MCC: variants seen among roughly 807,000 people sequenced by gnomAD.
MCC encodes MCC regulator of Wnt signaling pathway.
MCC carries 90 observed loss-of-function variants against 116.2 expected under a neutral mutation model. The ratio of observed to expected loss-of-function variants is 0.77; its 90% CI spans 0.65 to 0.92. MCC has a LOEUF of 0.92. MCC is among the 40% of genes least tolerant of loss of function. MCC has a pLI of 0.00. For missense variants in MCC, 1,516 were observed against 1,312.2 expected (o/e 1.16, Z -2.40); for synonymous variants, 578 against 510.5 (o/e 1.13, Z -1.78).
At chr5:113,205,035 A>G (rs759698838) in intron 3 of MCC, among the ~76,000 whole-genome samples, 7 of 152,224 alleles carry the variant, frequency 4.6e-5, no homozygotes, top group Non-Finnish European at 7.3e-5. Flanking sequence ...AGATAATTCC[A>G]TCACCAAAGA....
intron 3 of MCC, among the ~76,000 whole-genome samples, chr5:113,174,021 G>A (rs946365960): frequency 2.0e-5 from 3 of 152,130 alleles, no homozygotes; most frequent in Non-Finnish European, 2.9e-5. Flanking sequence ...AGATTAAGAT[G>A]AACCAAAATC....
intron 1 of MCC, among the ~76,000 whole-genome samples, chr5:113,391,274 G>T (rs1769394758): frequency 6.6e-6 from 1 of 152,194 alleles, no homozygotes; most frequent in Non-Finnish European, 1.5e-5. Context: ...AGAATATGCA[G>T]CAGGGGAGCT....
intron 3 of MCC, among the ~76,000 whole-genome samples, chr5:113,212,593 C>T (rs138156183): frequency 9.3e-4 from 142 of 152,312 alleles, no homozygotes; most frequent in Middle Eastern, 3.4e-3. Flanking sequence ...TTGTACAATG[C>T]CAATATTGTG....
intron 1 of MCC, among the ~76,000 whole-genome samples, chr5:113,472,968 G>A (rs1020135943): frequency 1.3e-5 from 2 of 152,224 alleles, no homozygotes; most frequent in Admixed American, 1.3e-4. Context: ...ATCAACGCAT[G>A]ATGTCAGGTA....
intron 3 of MCC, among the ~76,000 whole-genome samples, chr5:113,200,131 A>G (rs1187929762): frequency 6.6e-6 from 1 of 152,226 alleles, no homozygotes; most frequent in Non-Finnish European, 1.5e-5. Flanking sequence ...GAAGACACGT[A>G]AAATTTATAT....
At chr5:113,327,545 CAAAA>C (rs1189402090) in intron 3 of MCC, among the ~76,000 whole-genome samples, 7 of 57,236 alleles carry the variant, frequency 1.2e-4, no homozygotes, top group African/African-American at 3.7e-4. Flanking sequence ...GACTCAGTCT[CAAAA>C]AAAAAAAAAA....
intron 17 of MCC, among the ~76,000 whole-genome samples, chr5:113,039,620 GT>G (rs1751551705): frequency 6.6e-6 from 1 of 152,082 alleles, no homozygotes; most frequent in Non-Finnish European, 1.5e-5. Flanking sequence ...GGCACAAGGG[GT>G]CCCCATAGAG....
intron 8 of MCC, among the ~76,000 whole-genome samples, chr5:113,086,254 A>G (rs759192122): frequency 6.6e-6 from 1 of 152,058 alleles, no homozygotes; most frequent in Non-Finnish European, 1.5e-5. Context: ...GTGGTACTTG[A>G]GCAATCTTAA....
intron 17 of MCC, among the ~76,000 whole-genome samples, chr5:113,034,961 A>AT (rs1360131051): frequency 6.6e-6 from 1 of 152,126 alleles, no homozygotes. Context: ...CCTGGCCTGT[A>AT]TTTTATCTTA....
chr5:113,051,205 G>A (rs543758977), intron 15 of MCC, among the ~76,000 whole-genome samples: 18 of 152,024 alleles, frequency 1.2e-4, no homozygotes, highest in Non-Finnish European at 2.1e-4. Flanking sequence ...AGGGCCCCAC[G>A]GAAGACAGTT....
At chr5:113,392,648 TAAC>T (rs1297981750) in intron 1 of MCC, among the ~76,000 whole-genome samples, 1 of 152,156 alleles carries the variant, frequency 6.6e-6, no homozygotes, top group African/African-American at 2.4e-5. Context: ...GAGAAGAGGT[TAAC>T]AATAATATTA....
At chr5:113,322,327 T>C (rs571337103) in intron 3 of MCC, among the ~76,000 whole-genome samples, 1 of 152,358 alleles carries the variant, frequency 6.6e-6, no homozygotes, top group East Asian at 1.9e-4. Flanking sequence ...TTATCTAATA[T>C]GGCTGTACTA....
At chr5:113,091,025 G>A (rs909310154) in intron 8 of MCC, among the ~76,000 whole-genome samples, 5 of 152,196 alleles carry the variant, frequency 3.3e-5, no homozygotes, top group Admixed American at 1.3e-4. Flanking sequence ...GCGCCTGCTA[G>A]TCTAGCTGCT....
rs548703391 is a variant in MCC at position 113,481,775 on chromosome 5, C to A, written c.170+6470G>T. On this transcript the variant is annotated intron_variant, in intron 1 of 18. Coordinates refer to ENST00000408903, the MANE Select transcript of MCC (RefSeq NM_001085377.2). ...AAATAAAAAATAAATCTTTTTTTAA[C>A]AGCTTTGTTGAGTTATATAATTCAT... Among the ~76,000 whole-genome samples the A allele has an allele frequency of 1.1e-4, 17 of 152,186 alleles. 1 individual carries two copies. The highest frequency in any genetic ancestry group is 9.2e-4 in the Admixed American group (14 of 15,284).
In MCC at chr5:113,085,155, G is replaced by A; in HGVS notation, c.1545+9C>T. 6.2e-7 allele frequency: 1 copy of A among 1,614,148 alleles called. No homozygotes were observed. Among genetic ancestry groups the A allele is most frequent in the Non-Finnish European group, 8.5e-7 (1 of 1,180,030 alleles). ...TTCCCGCTCATCGGGTCCATCCCCAGGAACTCACCTTGGCGATGGGAATGT... is the reference window on the plus strand; with the variant it reads ...TTCCCGCTCATCGGGTCCATCCCCAAGAACTCACCTTGGCGATGGGAATGT... On this transcript the variant is annotated intron_variant, in intron 9 of 18. Transcript: ENST00000408903.
Position 113,434,722 on chromosome 5 carries a change from T to C in MCC, c.171-49510A>G, listed in dbSNP as rs1770794434. 6.2e-7 allele frequency: 1 copy of C among 1,614,070 alleles called. No homozygotes were observed. On this transcript the variant is annotated intron_variant, in intron 1 of 18. Coordinates refer to ENST00000408903, the MANE Select transcript of MCC (RefSeq NM_001085377.2). This position sits in a 1 kb window ranked among gnomAD's most constrained non-coding sequence, Gnocchi z 4.2. ...GCCTTCTTGCGGTCGATGATCTTGA[T>C]CGCCACATTGAACTTCAGGCGCTCA... is the stretch of plus-strand genomic sequence containing the variant.
At chr5:113,427,656 A>G (rs1281684565) in intron 1 of MCC, among the ~76,000 whole-genome samples, 1 of 152,222 alleles carries the variant, frequency 6.6e-6, no homozygotes, top group Non-Finnish European at 1.5e-5. Context: ...TTAATCCATT[A>G]CACTTAACCT....
chr5:113,278,985 T>C (rs891564664), intron 3 of MCC, among the ~76,000 whole-genome samples: 1 of 152,176 alleles, frequency 6.6e-6, no homozygotes, highest in Non-Finnish European at 1.5e-5. Flanking sequence ...TAAAAAGCAA[T>C]TTTAAAATTT....
intron 2 of MCC, among the ~76,000 whole-genome samples, chr5:113,354,279 C>T (rs1181934907): frequency 1.3e-5 from 2 of 152,150 alleles, no homozygotes; most frequent in Admixed American, 6.5e-5. Context: ...TCATATAGCC[C>T]AACCCTACCC....
Sources: gnomAD v4.1 joint callset for allele counts (sites outside exome capture counted in the v4.1 genomes callset) on GRCh38, gnomAD v4.1.1 for gene constraint, Gnocchi (gnomAD v3.1) non-coding constraint, MANE v1.5 for transcripts, NCBI Gene and HGNC (gene_info 2026-07-23, HGNC 2026-07-21) for gene names.